The following ERICH6B variants were observed in gnomAD, a reference collection of about 807,000 sequenced individuals.
ERICH6B encodes glutamate rich 6B, also known as glutamate-rich protein 6B.
A neutral mutation model predicts 80.0 loss-of-function variants in ERICH6B; 69 were observed. The observed-to-expected ratio is 0.86, with a 90% CI of 0.71 to 1.05. The LOEUF (loss-of-function observed/expected upper bound fraction) is 1.05, where lower values mean the gene tolerates loss of function less well. Ranked by LOEUF, ERICH6B falls within the 50% of genes least tolerant of loss-of-function variation. ERICH6B has a pLI of 0.00. For synonymous variants in ERICH6B, 283 were observed against 291.9 expected (o/e 0.97, Z 0.31); for missense variants, 754 against 796.1 (o/e 0.95, Z 0.64).
Position 45,560,104 on chromosome 13 carries a change from C to A in ERICH6B, c.1407+1265G>T, listed in dbSNP as rs113777771. Among the ~76,000 whole-genome samples the A allele has an allele frequency of 6.3e-3, 958 of 152,268 alleles. 12 individuals carry two copies. The highest frequency in any genetic ancestry group is 0.022 in the African/African-American group (906 of 41,544). ...AGGATTGTGATATTTTCCTGTTGGA[C>A]AAGGCCTTTTATCATTATATAATCT... On this transcript the variant is annotated intron_variant, in intron 11 of 14. Transcript: ENST00000298738.
Position 45,610,309 on chromosome 13 carries a change from C to A in ERICH6B, c.-110-2694G>T, listed in dbSNP as rs76378867. ...TTAAGTAACTCAACAAGCAGGAGAACCATTTCTTATACCCCTATGATTGCA... is the reference window on the plus strand; with the variant it reads ...TTAAGTAACTCAACAAGCAGGAGAAACATTTCTTATACCCCTATGATTGCA... On this transcript the variant is annotated intron_variant, in intron 1 of 14. Coordinates refer to ENST00000298738, the MANE Select transcript of ERICH6B (RefSeq NM_182542.3). Among the ~76,000 whole-genome samples the A allele has an allele frequency of 6.6e-4, 101 of 152,154 alleles. 1 individual carries two copies. The East Asian group carries it at 0.017, about 25-fold the overall frequency.
At chr13:45,558,245 G>A (rs1874518584) in intron 11 of ERICH6B, among the ~76,000 whole-genome samples, 1 of 152,150 alleles carries the variant, frequency 6.6e-6, no homozygotes, top group Admixed American at 6.5e-5. Flanking sequence ...CTTGGTCACT[G>A]TTGGTGTAGA....
Position 45,563,803 on chromosome 13 carries a change from G to A in ERICH6B, c.1188-15C>T. On this transcript the variant is annotated splice_polypyrimidine_tract_variant and intron_variant, in intron 9 of 14. Transcript: ENST00000298738. ...TTTTCTTCAGCCTAAAAGGAAAGTGGATCATCTTTAGAAGCCAAGACTAAG... is the reference window on the plus strand; with the variant it reads ...TTTTCTTCAGCCTAAAAGGAAAGTGAATCATCTTTAGAAGCCAAGACTAAG... The A allele has an allele frequency of 1.3e-6, 2 of 1,550,258 alleles. No individual in the cohort carries two copies. Among genetic ancestry groups the A allele is most frequent in the Non-Finnish European group, 8.7e-7 (1 of 1,145,442 alleles).
intron 3 of ERICH6B, among the ~76,000 whole-genome samples, chr13:45,594,827 T>C (rs1188503911): frequency 2.6e-5 from 4 of 152,222 alleles, no homozygotes; most frequent in South Asian, 2.1e-4. Flanking sequence ...GTTCTACTTA[T>C]AGGCCAGCAT....
chr13:45,568,801 A>G (rs1875031888), intron 8 of ERICH6B, among the ~76,000 whole-genome samples: 1 of 152,272 alleles, frequency 6.6e-6, no homozygotes, highest in Admixed American at 6.5e-5. Context: ...ATTCTTTTAA[A>G]GAGTATTTCC....
At chr13:45,586,272 C>T (rs1478600753) in intron 5 of ERICH6B, among the ~76,000 whole-genome samples, 2 of 152,194 alleles carry the variant, frequency 1.3e-5, no homozygotes, top group African/African-American at 4.8e-5. Flanking sequence ...ATTGGAGCTA[C>T]AAAATTTAGC....
chr13:45,592,003 G>A (rs1224044801), intron 3 of ERICH6B, among the ~76,000 whole-genome samples: 4 of 152,186 alleles, frequency 2.6e-5, no homozygotes, highest in Admixed American at 1.3e-4. Context: ...AAGGAAGGGA[G>A]GAAAGGAGGA....
At chr13:45,542,518 C>T (rs1447759922) in intron 14 of ERICH6B, among the ~76,000 whole-genome samples, 1 of 152,224 alleles carries the variant, frequency 6.6e-6, no homozygotes. Context: ...GGCACAGCTG[C>T]CCCTCCCCGG....
At chr13:45,591,392 C>T (rs887785006) in intron 3 of ERICH6B, among the ~76,000 whole-genome samples, 16 of 152,220 alleles carry the variant, frequency 1.1e-4, no homozygotes, top group Middle Eastern at 3.4e-3. Context: ...GTCAGGAGAT[C>T]GAGACCATCC....
intron 3 of ERICH6B, among the ~76,000 whole-genome samples, chr13:45,594,698 G>A (rs1041170244): frequency 6.6e-6 from 1 of 152,210 alleles, no homozygotes; most frequent in African/African-American, 2.4e-5. Context: ...TGTGGCTGCT[G>A]AGAATGCCCA....
At chr13:45,607,297 G>A (rs528196592) in intron 2 of ERICH6B, among the ~76,000 whole-genome samples, 7 of 152,262 alleles carry the variant, frequency 4.6e-5, no homozygotes, top group African/African-American at 1.7e-4. Context: ...CTTTAACCCT[G>A]CAAGAACATT....
chr13:45,591,315 G>A (rs1343110549), intron 3 of ERICH6B, among the ~76,000 whole-genome samples: 2 of 152,182 alleles, frequency 1.3e-5, no homozygotes, highest in African/African-American at 2.4e-5. Context: ...ATGATGTCTC[G>A]GCTGGGTGAG....
rs1381814961 is a variant in ERICH6B, at chr13:45,590,607, G to C, written c.686+42C>G. 6 of 1,525,750 alleles carry C rather than the reference G, an allele frequency of 3.9e-6. No individual in the cohort carries two copies. In the East Asian group the frequency reaches 1.2e-4, roughly 31 times the overall value. 94.5% of individuals were successfully genotyped at this position (1,525,750 alleles called of 1,614,324 possible). On this transcript the variant is annotated intron_variant, in intron 4 of 14. Coordinates refer to ENST00000298738, the MANE Select transcript of ERICH6B (RefSeq NM_182542.3). Reference sequence around the variant, plus strand: ...AGGGCTGCTGAAACATTGTCCCCAAGCAGGAGTTTCCACCTGATTTATCCC... The same window carrying C: ...AGGGCTGCTGAAACATTGTCCCCAACCAGGAGTTTCCACCTGATTTATCCC...
intron 9 of ERICH6B, among the ~76,000 whole-genome samples, chr13:45,567,483 TTC>T (rs1383192290): frequency 6.6e-6 from 1 of 152,142 alleles, no homozygotes; most frequent in African/African-American, 2.4e-5. Context: ...TCCAGTTCTG[TTC>T]TCGTAATAGT....
chr13:45,567,456 T>C (rs1442805001), intron 9 of ERICH6B, among the ~76,000 whole-genome samples: 2 of 152,148 alleles, frequency 1.3e-5, no homozygotes, highest in African/African-American at 4.8e-5. Context: ...GGTAATTGAA[T>C]CATGGGGGCA....
At chr13:45,594,835 C>T (rs1477389365) in intron 3 of ERICH6B, among the ~76,000 whole-genome samples, 1 of 152,164 alleles carries the variant, frequency 6.6e-6, no homozygotes, top group Admixed American at 6.5e-5. Flanking sequence ...TATAGGCCAG[C>T]ATGAAGATGA....
Position 45,541,390 on chromosome 13 carries a change from G to T in ERICH6B, c.*72C>A, listed in dbSNP as rs183512072. 28 of 1,364,432 alleles carry T rather than the reference G, an allele frequency of 2.1e-5. No individual in the cohort carries two copies. In the African/African-American group the frequency reaches 2.8e-4, roughly 14 times the overall value. 84.5% of individuals were successfully genotyped at this position (1,364,432 alleles called of 1,614,324 possible). On this transcript the variant is annotated 3_prime_UTR_variant, in exon 15 of 15. Transcript: ENST00000298738. ...TCATAAAAGGTCAACAGGTCTTTGG[G>T]TTTTTTTTCCCTGGAGCTCCCAAGG...
intron 1 of ERICH6B, among the ~76,000 whole-genome samples, chr13:45,610,681 A>T (rs1949894601): frequency 6.6e-6 from 1 of 152,194 alleles, no homozygotes; most frequent in Admixed American, 6.5e-5. Context: ...ATGTTACTGT[A>T]CTGAATGCTG....
intron 1 of ERICH6B, among the ~76,000 whole-genome samples, chr13:45,608,745 A>G (rs748726089): frequency 2.6e-5 from 4 of 152,276 alleles, no homozygotes; most frequent in Non-Finnish European, 4.4e-5. Context: ...TGACATAAAT[A>G]TGTGACACAA....
Sources: allele counts gnomAD v4.1 joint callset (sites outside exome capture counted in the v4.1 genomes callset), GRCh38; gene constraint gnomAD v4.1.1; transcripts MANE v1.5; gene names NCBI Gene and HGNC (gene_info 2026-07-23, HGNC 2026-07-21).